Variants in UVSSA observed in about 807,000 individuals in gnomAD.
The protein encoded by UVSSA is UV-stimulated scaffold protein A.
UVSSA carries 72 observed loss-of-function variants against 73.9 expected under a neutral mutation model. That is an observed-to-expected ratio of 0.97 (90% CI 0.81 to 1.19). The LOEUF (loss-of-function observed/expected upper bound fraction) is 1.19. Among genes scored for constraint, UVSSA ranks in the 50% most tolerant of loss-of-function variants. UVSSA has a pLI of 0.00. For synonymous variants in UVSSA, 454 were observed against 391.3 expected, an observed-to-expected ratio of 1.16 and a Z score of -1.89; for missense variants, 1,150 against 965.0, an observed-to-expected ratio of 1.19 and a Z score of -2.54.
intron 10 of UVSSA, among the ~76,000 whole-genome samples, chr4:1,377,649 T>C (rs762207178): frequency 2.7e-4 from 41 of 151,484 alleles, no homozygotes; most frequent in Non-Finnish European, 4.4e-5. Context: ...GACCACAGGC[T>C]TTGCCCTGAG....
In UVSSA at chr4:1,395,416, C is replaced by G. The variant is rs142765966; in HGVS notation, c.*9455C>G. On this transcript the variant is annotated 3_prime_UTR_variant, in exon 14 of 14. Coordinates refer to the UVSSA transcript ENST00000511216. ...CGTGCCCATGTGGAGTGCCCGCCTGCTCACACGTGCCGACGTGGAGTGCCC... is the reference window on the plus strand; with the variant it reads ...CGTGCCCATGTGGAGTGCCCGCCTGGTCACACGTGCCGACGTGGAGTGCCC... 114 of 1,589,664 alleles carry G rather than the reference C, an allele frequency of 7.2e-5. No individual in the cohort carries two copies. In the South Asian group the frequency reaches 7.7e-4, roughly 11 times the overall value.
At chr4:1,379,379 T>G (rs1488258943) in intron 10 of UVSSA, among the ~76,000 whole-genome samples, 1 of 152,188 alleles carries the variant, frequency 6.6e-6, no homozygotes, top group Non-Finnish European at 1.5e-5. Flanking sequence ...GAGGCCGGCC[T>G]CCTCTTGGCC....
upstream of UVSSA, among the ~76,000 whole-genome samples, chr4:1,344,309 C>T (rs1043082559): frequency 6.6e-6 from 1 of 152,032 alleles, no homozygotes; most frequent in Non-Finnish European, 1.5e-5. Context: ...CCAACACTTT[C>T]GGAGGCTGAG....
At chr4:1,392,058 C>G (rs1720425014), downstream of UVSSA, 1 of 152,150 alleles carries the variant, frequency 6.6e-6, no homozygotes, top group Non-Finnish European at 1.5e-5. Context: ...TCTCTTGTAA[C>G]ATTGTAATTT....
At chr4:1,384,086 G>C in intron 13 of UVSSA, 146 bp downstream of exon 13, 1 of 1,022,544 alleles carries the variant, frequency 9.8e-7, no homozygotes, top group Non-Finnish European at 1.4e-6. Context: ...GGACCACCCA[G>C]CCTTTCCCCG....
chr4:1,387,808 A>G lies in UVSSA; in HGVS notation c.*1847A>G, dbSNP rs927622528. 2.0e-5 allele frequency: 3 copies of G among 152,222 alleles called. No individual in the cohort carries two copies. Among genetic ancestry groups the G allele is most frequent in the Non-Finnish European group, 4.4e-5 (3 of 68,048 alleles). The allele number at this position is 152,222 out of a possible 1,614,324, so 9.4% of individuals were successfully genotyped here. On this transcript the variant is annotated 3_prime_UTR_variant, in exon 14 of 14. Transcript: ENST00000389851. ...CTATTCCATTGACCTGTTTAACCTT[A>G]TGCCAGTGCCACAGTGCCTTGATCA... is the stretch of plus-strand genomic sequence containing the variant.
intron 10 of UVSSA, among the ~76,000 whole-genome samples, chr4:1,377,986 G>A (rs1397133300): frequency 6.6e-6 from 1 of 152,268 alleles, no homozygotes; most frequent in Non-Finnish European, 1.5e-5. Flanking sequence ...CCCACAGCCA[G>A]TTGAGGGCCA....
chr4:1,365,914 G>C (rs920747999), intron 7 of UVSSA, among the ~76,000 whole-genome samples: 5 of 151,480 alleles, frequency 3.3e-5, no homozygotes, highest in African/African-American at 7.3e-5. Context: ...GAAGATAACT[G>C]CCCTAAGCCT....
rs1210210753 is a variant in UVSSA, at chr4:1,380,085, T to A, written c.1607T>A (p.Val536Glu). 1.9e-6 allele frequency: 3 copies of A among 1,611,042 alleles called. No individual in the cohort carries two copies. The East Asian group carries it at 6.7e-5, about 36-fold the overall frequency. Reference sequence around the variant, plus strand: ...CACCGCTTCTGGAAGCCCAGCGAGGTGGAGGAGGAAGTGGTCAATGCCGAC... The same window carrying A: ...CACCGCTTCTGGAAGCCCAGCGAGGAGGAGGAGGAAGTGGTCAATGCCGAC... ...SQHRFWKPSEVEEEVVNADIS... is the reference protein window; with the variant it reads ...SQHRFWKPSEEEEEVVNADIS... Residue 536 changes from valine (V) to glutamate (E), a missense_variant, in exon 11 of 14, where the codon GTG (valine) becomes GAG (glutamate). Transcript: ENST00000389851.
intron 7 of UVSSA, among the ~76,000 whole-genome samples, chr4:1,365,419 C>T (rs1359245409): frequency 6.6e-6 from 1 of 152,248 alleles, no homozygotes; most frequent in African/African-American, 2.4e-5. Flanking sequence ...GTCCCTGCCT[C>T]TGCCCACTAA....
chr4:1,388,549 G>A (rs138507856), downstream of UVSSA: 1 of 152,312 alleles, frequency 6.6e-6, no homozygotes, highest in East Asian at 1.9e-4. Context: ...TGATCTTAGC[G>A]GGAAGCTTTC....
chr4:1,342,236 C>G (rs73075553), upstream of UVSSA, among the ~76,000 whole-genome samples: 22,269 of 152,172 alleles, frequency 0.15, 2,910 homozygotes, highest in East Asian at 0.43. Flanking sequence ...TGTGAGGATT[C>G]CAGTGGCCCC....
At chr4:1,343,354 G>A (rs777593323), upstream of UVSSA, among the ~76,000 whole-genome samples, 10 of 152,022 alleles carry the variant, frequency 6.6e-5, no homozygotes, top group Non-Finnish European at 1.5e-4. Context: ...CTCATTTAAC[G>A]TTCCCCTCTT....
chr4:1,344,478 G>A (rs1713540355), upstream of UVSSA, among the ~76,000 whole-genome samples: 1 of 151,384 alleles, frequency 6.6e-6, no homozygotes, highest in Non-Finnish European at 1.5e-5. Context: ...TTGAACCTGG[G>A]AGGCAGAGGT....
At chr4:1,369,900 G>A (rs1251380254) in intron 8 of UVSSA, among the ~76,000 whole-genome samples, 6 of 152,262 alleles carry the variant, frequency 3.9e-5, no homozygotes, top group Admixed American at 3.9e-4. Context: ...GGGCAAGGCG[G>A]GCGCCGCGTT....
chr4:1,354,402 A>C, intron 5 of UVSSA: 1 of 312,732 alleles, frequency 3.2e-6, no homozygotes, highest in South Asian at 3.4e-5. Flanking sequence ...TGTGGAGGGG[A>C]AGGTTCTGTG....
In UVSSA at chr4:1,364,338, G is replaced by A. The variant is rs1450124280; in HGVS notation, c.1177-1982G>A. 2.0e-5 allele frequency among the ~76,000 whole-genome samples: 3 copies of A among 148,834 alleles called. 1 individual carries two copies. The highest frequency in any genetic ancestry group is 4.0e-4 in the East Asian group (2 of 5,008). On this transcript the variant is annotated intron_variant, in intron 7 of 13. Coordinates refer to ENST00000389851, the MANE Select transcript of UVSSA (RefSeq NM_020894.4). The stretch of plus-strand genomic sequence containing the variant: ...CTGGCTCCGTGGGGGCCACCTCCCC[G>A]CACGGTGCTGGTGCGCGGGCCCCGT...
chr4:1,376,121 C>G lies in UVSSA; in HGVS notation c.1521C>G (p.Asp507Glu). 6.2e-7 allele frequency: 1 copy of G among 1,609,820 alleles called. No homozygotes were observed. Among genetic ancestry groups the G allele is most frequent in the Non-Finnish European group, 8.5e-7 (1 of 1,178,704 alleles). ...ARAPVVPYGV[D>E]LHYWGQELPT... ...CGCCTGTGGTGCCCTACGGCGTGGA[C>G]CTGCACTACTGGGGCCAGGAGCTCC... Residue 507 changes from aspartate (D) to glutamate (E), a missense_variant, in exon 10 of 14, where the codon GAC becomes GAG. Asp to Glu is a conservative substitution (Grantham distance 45, BLOSUM62 2). Transcript: ENST00000389851.
intron 8 of UVSSA, among the ~76,000 whole-genome samples, chr4:1,374,298 A>G (rs1313115308): frequency 2.0e-5 from 3 of 152,024 alleles, no homozygotes; most frequent in Non-Finnish European, 4.4e-5. Context: ...CCTACCTGGC[A>G]CCTCCTGTGC....
Sources: gnomAD v4.1 joint callset for allele counts (sites outside exome capture counted in the v4.1 genomes callset) on GRCh38, gnomAD v4.1.1 for gene constraint, MANE v1.5 for transcripts, NCBI Gene and HGNC (gene_info 2026-07-23, HGNC 2026-07-21) for gene names.